ZNF827: variants seen among roughly 807,000 people sequenced by gnomAD.
The protein encoded by ZNF827 is zinc finger protein 827.
Under a neutral mutation model 102.4 loss-of-function variants are expected in ZNF827, and 13 were observed. The observed-to-expected ratio is 0.13, with a 90% confidence interval of 0.08 to 0.20. ZNF827 has a LOEUF of 0.20. Ranked by LOEUF, ZNF827 falls within the 10% of genes least tolerant of loss-of-function variation. The pLI, the probability that ZNF827 is intolerant of heterozygous loss-of-function variation, is 1.00. For missense variants in ZNF827, 1,103 were observed against 1,344.4 expected (o/e 0.82, Z 2.81); for synonymous variants, 523 against 536.2 (o/e 0.98, Z 0.34).
At chr4:145,769,748 T>C (rs889992752) in intron 11 of ZNF827, among the ~76,000 whole-genome samples, 2 of 152,110 alleles carry the variant, frequency 1.3e-5, no homozygotes, top group African/African-American at 4.8e-5. Context: ...AAGATCTTGG[T>C]GAAGGACACC....
rs146522244 is a variant in ZNF827 at position 145,924,950 on chromosome 4, T to C, written c.43+13415A>G. Reference sequence around the variant, plus strand: ...GTTACACACACTGCTAATAAAGACATACCCGAGACTGGGTAATTTATGAAG... The same window carrying C: ...GTTACACACACTGCTAATAAAGACACACCCGAGACTGGGTAATTTATGAAG... On this transcript the variant is annotated intron_variant, in intron 1 of 14. Transcript: ENST00000508784. Among the ~76,000 whole-genome samples the C allele has an allele frequency of 4.2e-3, 646 of 152,344 alleles. 9 individuals carry two copies. The highest frequency in any genetic ancestry group is 0.015 in the African/African-American group (614 of 41,582).
At chr4:145,805,371 G>GA (rs929426262) in intron 8 of ZNF827, among the ~76,000 whole-genome samples, 111 of 150,572 alleles carry the variant, frequency 7.4e-4, no homozygotes, top group African/African-American at 1.9e-3. Context: ...AACTGATTAG[G>GA]AAAAAAAAAT....
At chr4:145,796,697 T>C (rs574354785) in intron 8 of ZNF827, among the ~76,000 whole-genome samples, 11 of 147,616 alleles carry the variant, frequency 7.5e-5, no homozygotes, top group African/African-American at 2.5e-4. Context: ...TGGCACGATC[T>C]CAGCTCACTG....
intron 1 of ZNF827, among the ~76,000 whole-genome samples, chr4:145,911,354 T>G (rs986737953): frequency 6.6e-6 from 1 of 152,194 alleles, no homozygotes; most frequent in Non-Finnish European, 1.5e-5. Flanking sequence ...GCAACCTGTT[T>G]CTCCAGGTAC....
chr4:145,814,519 T>C (rs1277137300), intron 8 of ZNF827, among the ~76,000 whole-genome samples: 1 of 152,158 alleles, frequency 6.6e-6, no homozygotes, highest in African/African-American at 2.4e-5. Context: ...TAATCTCCAG[T>C]TGGCCACATT....
intron 8 of ZNF827, among the ~76,000 whole-genome samples, chr4:145,801,095 C>T (rs1740858682): frequency 6.6e-6 from 1 of 152,042 alleles, no homozygotes; most frequent in South Asian, 2.1e-4. Context: ...ATTCCAAGCA[C>T]ATTTAACTAT....
At chr4:145,871,616 ATTC>A (rs1159458506) in intron 4 of ZNF827, among the ~76,000 whole-genome samples, 2 of 152,218 alleles carry the variant, frequency 1.3e-5, no homozygotes, top group Non-Finnish European at 2.9e-5. Context: ...CTAATACAGG[ATTC>A]TTAGAAACAC....
chr4:145,899,253 C>T (rs548705093), intron 2 of ZNF827, among the ~76,000 whole-genome samples: 2 of 151,914 alleles, frequency 1.3e-5, no homozygotes, highest in East Asian at 3.9e-4. Flanking sequence ...AAGGTACATC[C>T]CAATCCAGCC....
At chr4:145,789,379 A>G (rs1170313567) in intron 8 of ZNF827, among the ~76,000 whole-genome samples, 1 of 152,230 alleles carries the variant, frequency 6.6e-6, no homozygotes, top group African/African-American at 2.4e-5. Context: ...AAACAATATC[A>G]GAGTTTGTTA....
chr4:145,843,252 T>C (rs922964309), intron 7 of ZNF827, among the ~76,000 whole-genome samples: 4 of 150,912 alleles, frequency 2.7e-5, no homozygotes, highest in Non-Finnish European at 4.4e-5. Context: ...ACCGAGGACT[T>C]TGTAGAACTA....
At chr4:145,836,798 C>G (rs1744888681) in intron 7 of ZNF827, among the ~76,000 whole-genome samples, 1 of 152,044 alleles carries the variant, frequency 6.6e-6, no homozygotes, top group African/African-American at 2.4e-5. Context: ...GTACAAGCCA[C>G]TAGCCCGCCT....
chr4:145,769,083 C>G (rs976890693), intron 11 of ZNF827, among the ~76,000 whole-genome samples: 1 of 151,032 alleles, frequency 6.6e-6, no homozygotes, highest in Non-Finnish European at 1.5e-5. Context: ...TACCCACTTA[C>G]AATGTTTTCA....
In ZNF827 at chr4:145,838,378, G is replaced by T. The variant is rs115047921; in HGVS notation, c.2279+7578C>A. Among the ~76,000 whole-genome samples, 428 of 151,906 alleles carry T rather than the reference G, an allele frequency of 2.8e-3. 2 individuals are homozygous for T. Among genetic ancestry groups the T allele is most frequent in the African/African-American group, 8.3e-3 (344 of 41,410 alleles). On this transcript the variant is annotated intron_variant, in intron 7 of 14. Coordinates refer to ENST00000508784, the MANE Select transcript of ZNF827 (RefSeq NM_001306215.2). The stretch of plus-strand genomic sequence containing the variant: ...TTTACCTACCCAAAACCTATAAAAC[G>T]GCCCCACCCTTAACTCCCTTCGCTG...
intron 3 of ZNF827, among the ~76,000 whole-genome samples, chr4:145,887,431 C>T (rs543189977): frequency 6.6e-6 from 1 of 152,090 alleles, no homozygotes; most frequent in Admixed American, 6.6e-5. Context: ...CCAACAAAAG[C>T]AAAGAAATTA....
chr4:145,766,180 A>G (rs1450912358), intron 11 of ZNF827, among the ~76,000 whole-genome samples: 2 of 152,266 alleles, frequency 1.3e-5, no homozygotes, highest in East Asian at 3.9e-4. Flanking sequence ...GAAGTGGTGG[A>G]GAAGAGGTTT....
At position 145,834,210 on chromosome 4, in the gene ZNF827, C is replaced by T. The variant is rs972271835; in HGVS notation, c.2280-10685G>A. On this transcript the variant is annotated intron_variant, in intron 7 of 14. Coordinates refer to ENST00000508784, the MANE Select transcript of ZNF827 (RefSeq NM_001306215.2). ...CCTGCAAGATCTAAATAATTCTTGT[C>T]GTAAAATAGGCAAACGGTCTGAGGT... Among the ~76,000 whole-genome samples the T allele has an allele frequency of 1.3e-4, 20 of 152,218 alleles. 1 individual carries two copies. The highest frequency in any genetic ancestry group is 1.0e-3 in the South Asian group (5 of 4,820).
chr4:145,927,097 G>T (rs1474337819), intron 1 of ZNF827, among the ~76,000 whole-genome samples: 3 of 152,146 alleles, frequency 2.0e-5, no homozygotes, highest in Non-Finnish European at 4.4e-5. Context: ...GGAGCGTAGG[G>T]TCTCCCACAC....
At chr4:145,832,215 A>C (rs1579313128) in intron 7 of ZNF827, 1 of 152,428 alleles carries the variant, frequency 6.6e-6, no homozygotes, top group Non-Finnish European at 1.5e-5. Context: ...CAGTGAGTGG[A>C]GATTGTGCCA....
At chr4:145,868,848 G>A (rs544821094) in intron 5 of ZNF827, among the ~76,000 whole-genome samples, 1 of 152,196 alleles carries the variant, frequency 6.6e-6, no homozygotes, top group African/African-American at 2.4e-5. Flanking sequence ...CAAGTCACTG[G>A]AATGTGAAAG....
Sources: gnomAD v4.1 joint callset for allele counts (sites outside exome capture counted in the v4.1 genomes callset) on GRCh38, gnomAD v4.1.1 for gene constraint, MANE v1.5 for transcripts, NCBI Gene and HGNC (gene_info 2026-07-23, HGNC 2026-07-21) for gene names.